Variants in GABRB2 observed in about 807,000 individuals in gnomAD.
The protein encoded by GABRB2 is gamma-aminobutyric acid type A receptor subunit beta2, also known as gamma-aminobutyric acid receptor subunit beta-2.
In GABRB2, 16 loss-of-function variants were observed where a neutral mutation model predicts 54.7. The observed-to-expected ratio is 0.29, with a 90% CI of 0.20 to 0.44. The LOEUF is 0.44. Among genes scored for constraint, GABRB2 ranks in the 20% least tolerant of loss-of-function variants. The pLI, the probability that GABRB2 is intolerant of heterozygous loss-of-function variation, is 1.00. For missense variants in GABRB2, 355 were observed against 644.0 expected, an observed-to-expected ratio of 0.55 and a Z score of 4.86; for synonymous variants, 244 against 233.8, an observed-to-expected ratio of 1.04 and a Z score of -0.40.
chr5:161,454,954 T>C (rs551864980), intron 4 of GABRB2, among the ~76,000 whole-genome samples: 140 of 152,268 alleles, frequency 9.2e-4, no homozygotes, highest in African/African-American at 3.3e-3. Context: ...TAACTAAGAG[T>C]ATGCTGCAAT....
intron 5 of GABRB2, among the ~76,000 whole-genome samples, chr5:161,343,035 C>T (rs1395333170): frequency 3.3e-5 from 5 of 151,956 alleles, no homozygotes; most frequent in Non-Finnish European, 7.4e-5. Flanking sequence ...CAGGACTGAG[C>T]GCAGTCAATG....
chr5:161,334,920 T>G lies in GABRB2; in HGVS notation c.680-16A>C, dbSNP rs1245747762. 3 of 1,612,166 alleles carry G rather than the reference T, an allele frequency of 1.9e-6. No homozygotes were observed. In the Admixed American group the frequency reaches 5.0e-5, roughly 27 times the overall value. On this transcript the variant is annotated splice_polypyrimidine_tract_variant and intron_variant, in intron 6 of 9. Transcript: ENST00000393959. The stretch of plus-strand genomic sequence containing the variant: ...GGATAGGAACCTAGAAAGGCAATTT[T>G]AGAACATCATCATTATCAATCAATA...
intron 4 of GABRB2, among the ~76,000 whole-genome samples, chr5:161,449,358 C>T (rs567643651): frequency 6.6e-6 from 1 of 152,258 alleles, no homozygotes; most frequent in Non-Finnish European, 1.5e-5. Flanking sequence ...AAGGTTACTA[C>T]TACTACTACA....
chr5:161,450,710 TA>T (rs1048914500), intron 4 of GABRB2, among the ~76,000 whole-genome samples: 1 of 152,090 alleles, frequency 6.6e-6, no homozygotes, highest in Non-Finnish European at 1.5e-5. Flanking sequence ...TTCCTTGCTA[TA>T]AAAAAAGGAG....
Position 161,533,497 on chromosome 5 carries a change from C to T in GABRB2, c.237+11730G>A, listed in dbSNP as rs149881560. Among the ~76,000 whole-genome samples the T allele has an allele frequency of 4.8e-3, 726 of 152,040 alleles. 7 individuals are homozygous for T. The highest frequency in any genetic ancestry group is 0.017 in the African/African-American group (700 of 41,502). On this transcript the variant is annotated intron_variant, in intron 3 of 9. Coordinates refer to ENST00000393959, the MANE Select transcript of GABRB2 (RefSeq NM_001371727.1). ...TAGCTGTATAAATATGAGTTAGAGT[C>T]ATATAAAGCTTAAAAAATAGATTTC...
chr5:161,492,729 A>G (rs923492493), intron 3 of GABRB2, among the ~76,000 whole-genome samples: 1 of 151,726 alleles, frequency 6.6e-6, no homozygotes, highest in African/African-American at 2.4e-5. Flanking sequence ...TCTACACCAC[A>G]AAAGGTACCC....
chr5:161,312,426 A>G, intron 9 of GABRB2, among the ~76,000 whole-genome samples: 1 of 152,320 alleles, frequency 6.6e-6, no homozygotes, highest in South Asian at 2.1e-4. Flanking sequence ...AGAAAATTAT[A>G]AATTTAGAAA....
At chr5:161,437,770 C>T (rs1757353081) in intron 4 of GABRB2, among the ~76,000 whole-genome samples, 1 of 152,112 alleles carries the variant, frequency 6.6e-6, no homozygotes, top group South Asian at 2.1e-4. Flanking sequence ...CAGTACTCCT[C>T]ATAGCCTGGG....
intron 3 of GABRB2, among the ~76,000 whole-genome samples, chr5:161,538,705 T>C (rs1760720245): frequency 6.6e-6 from 1 of 151,972 alleles, no homozygotes; most frequent in African/African-American, 2.4e-5. Context: ...GTGCCTGTAG[T>C]CCCAGCTACT....
At chr5:161,302,645 G>T (rs1182545216) in intron 9 of GABRB2, among the ~76,000 whole-genome samples, 1 of 152,172 alleles carries the variant, frequency 6.6e-6, no homozygotes, top group African/African-American at 2.4e-5. Context: ...TGTGACTTGT[G>T]TGTGGGTAGA....
intron 3 of GABRB2, among the ~76,000 whole-genome samples, chr5:161,532,136 T>A (rs1238888986): frequency 1.3e-5 from 2 of 152,140 alleles, no homozygotes. Context: ...GTGGTCAAAT[T>A]TTGAATTATT....
At chr5:161,319,665 A>T (rs1758151093) in intron 9 of GABRB2, among the ~76,000 whole-genome samples, 1 of 151,370 alleles carries the variant, frequency 6.6e-6, no homozygotes. Context: ...TACCTTATTT[A>T]CGTTATGTGA....
chr5:161,398,609 C>T (rs1756076909), intron 5 of GABRB2, among the ~76,000 whole-genome samples: 1 of 152,140 alleles, frequency 6.6e-6, no homozygotes, highest in African/African-American at 2.4e-5. Flanking sequence ...CCATCCACTG[C>T]CACAGCAGCC....
chr5:161,395,902 A>C (rs904294553), intron 5 of GABRB2, among the ~76,000 whole-genome samples: 6 of 152,152 alleles, frequency 3.9e-5, no homozygotes, highest in African/African-American at 1.4e-4. Context: ...GATTTGCAAG[A>C]ATATAATAAG....
At chr5:161,475,814 G>T (rs1395924114) in intron 3 of GABRB2, among the ~76,000 whole-genome samples, 2 of 151,732 alleles carry the variant, frequency 1.3e-5, no homozygotes, top group African/African-American at 4.8e-5. Context: ...ACATAATAAA[G>T]ACCATATACA....
intron 9 of GABRB2, among the ~76,000 whole-genome samples, chr5:161,316,020 G>T (rs191661622): frequency 6.6e-6 from 1 of 152,070 alleles, no homozygotes; most frequent in Non-Finnish European, 1.5e-5. Flanking sequence ...TATATAAATT[G>T]TACATTAATT....
At chr5:161,468,663 C>A (rs1561661219) in intron 3 of GABRB2, among the ~76,000 whole-genome samples, 1 of 151,892 alleles carries the variant, frequency 6.6e-6, no homozygotes, top group Non-Finnish European at 1.5e-5. Context: ...AGGTAAGTTC[C>A]ATGAAAGTAA....
At chr5:161,453,382 C>T (rs1368267576) in intron 4 of GABRB2, among the ~76,000 whole-genome samples, 1 of 152,094 alleles carries the variant, frequency 6.6e-6, no homozygotes, top group African/African-American at 2.4e-5. Flanking sequence ...ACCTAATTTC[C>T]AATGTAATGG....
chr5:161,548,158 C>G (rs1334706619), upstream of GABRB2: 1 of 152,422 alleles, frequency 6.6e-6, no homozygotes, highest in African/African-American at 2.4e-5. Context: ...GCTGCCTCTT[C>G]CCTTCCTCCT....
Sources: allele counts gnomAD v4.1 joint callset (sites outside exome capture counted in the v4.1 genomes callset), GRCh38; gene constraint gnomAD v4.1.1; transcripts MANE v1.5; gene names NCBI Gene and HGNC (gene_info 2026-07-23, HGNC 2026-07-21).